The following RBFOX2 variants were observed in gnomAD, a reference collection of about 807,000 sequenced individuals.
The protein encoded by RBFOX2 is RNA binding protein fox-1 homolog 2.
RBFOX2 carries 10 observed loss-of-function variants against 49.1 expected under a neutral mutation model. The ratio of observed to expected loss-of-function variants is 0.20; its 90% CI spans 0.13 to 0.35. The LOEUF (loss-of-function observed/expected upper bound fraction) is 0.35. Ranked by LOEUF, RBFOX2 falls within the 10% of genes least tolerant of loss-of-function variation. RBFOX2 has a pLI of 1.00. For missense variants in RBFOX2, 323 were observed against 486.9 expected, an observed-to-expected ratio of 0.66 and a Z score of 3.17; for synonymous variants, 183 against 187.4, an observed-to-expected ratio of 0.98 and a Z score of 0.19.
At chr22:35,938,821 C>G (rs2053391950) in intron 1 of RBFOX2, 26 bp downstream of exon 2, 1 of 1,600,810 alleles carries the variant, frequency 6.2e-7, no homozygotes, top group Non-Finnish European at 8.6e-7. Context: ...CATACATCAT[C>G]TGAGTTACAA....
At chr22:35,924,680 T>C (rs1432260987) in intron 1 of RBFOX2, among the ~76,000 whole-genome samples, 1 of 152,258 alleles carries the variant, frequency 6.6e-6, no homozygotes, top group Non-Finnish European at 1.5e-5. Flanking sequence ...GAGTAGTCTC[T>C]GTATTTCAAC....
intron 5 of RBFOX2, among the ~76,000 whole-genome samples, chr22:35,766,201 G>A (rs1275666990): frequency 1.3e-5 from 2 of 152,160 alleles, no homozygotes; most frequent in Admixed American, 1.3e-4. Context: ...AGAGTAAGTA[G>A]GTGTTACAAA....
At chr22:35,998,119 C>G (rs1394786814) in intron 1 of RBFOX2, 1 of 152,104 alleles carries the variant, frequency 6.6e-6, no homozygotes, top group Non-Finnish European at 1.5e-5. Context: ...TTCTCCTTTC[C>G]AAGTGTACAG....
chr22:35,768,387 C>T lies in RBFOX2; in HGVS notation c.454-38G>A, dbSNP rs76591910. On this transcript the variant is annotated intron_variant, in intron 4 of 11. Coordinates refer to ENST00000405409, the Ensembl canonical transcript of RBFOX2. ...GGAGAAGGGGGGAAAACATGCACAT[C>T]GTTATATTGAAATACTGATCTCTTG... is the stretch of plus-strand genomic sequence containing the variant. 6,802 of 1,529,218 alleles carry T rather than the reference C, an allele frequency of 4.4e-3. 279 individuals are homozygous for T. The African/African-American group carries it at 0.082, about 18-fold the overall frequency. 94.7% of individuals were successfully genotyped at this position (1,529,218 alleles called of 1,614,324 possible). A position where few individuals can be genotyped will look rare whatever the true frequency, so the allele number is the denominator to read the frequency against.
chr22:35,844,353 C>T (rs2034459820), upstream of RBFOX2, among the ~76,000 whole-genome samples: 1 of 152,086 alleles, frequency 6.6e-6, no homozygotes, highest in African/African-American at 2.4e-5. Flanking sequence ...AACAATAATG[C>T]CTTGATTTCT....
intron 1 of RBFOX2, among the ~76,000 whole-genome samples, chr22:35,899,693 G>C (rs900901947): frequency 6.6e-6 from 1 of 151,954 alleles, no homozygotes; most frequent in African/African-American, 2.4e-5. Flanking sequence ...TTCACATTAA[G>C]AGACAAAAAG....
intron 1 of RBFOX2, among the ~76,000 whole-genome samples, chr22:35,894,668 T>C (rs1010852526): frequency 3.3e-5 from 5 of 152,032 alleles, no homozygotes; most frequent in African/African-American, 1.2e-4. Flanking sequence ...ACCGCTAGGT[T>C]TTAAAAACCT....
chr22:36,015,901 G>C (rs575611284), intron 1 of RBFOX2, among the ~76,000 whole-genome samples: 146 of 152,314 alleles, frequency 9.6e-4, no homozygotes, highest in African/African-American at 3.3e-3. Flanking sequence ...CTGTAAGTGT[G>C]ACTGTATAAA....
intron 2 of RBFOX2, among the ~76,000 whole-genome samples, chr22:35,788,274 T>A (rs1185372536): frequency 6.6e-6 from 1 of 152,244 alleles, no homozygotes; most frequent in African/African-American, 2.4e-5. Flanking sequence ...TTTCCAAGTC[T>A]ATCAGATTAA....
chr22:35,949,715 T>C (rs1195671713), intron 1 of RBFOX2, among the ~76,000 whole-genome samples: 3 of 152,254 alleles, frequency 2.0e-5, no homozygotes, highest in Admixed American at 1.3e-4. Flanking sequence ...ATACCTTCTT[T>C]GGAGAAATGT....
At chr22:35,962,770 T>C (rs1157992045), upstream of RBFOX2, among the ~76,000 whole-genome samples, 1 of 152,106 alleles carries the variant, frequency 6.6e-6, no homozygotes, top group Non-Finnish European at 1.5e-5. Context: ...TGACTAAATA[T>C]GGACCAGGGC....
intron 1 of RBFOX2, among the ~76,000 whole-genome samples, chr22:36,026,537 T>TACACACAC (rs1556557809): frequency 2.2e-5 from 3 of 135,476 alleles, no homozygotes; most frequent in African/African-American, 9.7e-5. Context: ...GATAAATGAA[T>TACACACAC]ACATACACAC....
At chr22:35,934,247 A>G (rs189775809) in intron 1 of RBFOX2, among the ~76,000 whole-genome samples, 161 of 152,088 alleles carry the variant, frequency 1.1e-3, no homozygotes, top group African/African-American at 3.7e-3. Flanking sequence ...TATTTCAATC[A>G]CATCTATATA....
chr22:35,814,284 A>C (rs1952519771), intron 1 of RBFOX2, among the ~76,000 whole-genome samples: 1 of 152,146 alleles, frequency 6.6e-6, no homozygotes, highest in African/African-American at 2.4e-5. Flanking sequence ...CTTTATATAA[A>C]ATGGCATAGT....
chr22:35,774,296 A>G (rs1268774836), intron 4 of RBFOX2, among the ~76,000 whole-genome samples: 1 of 152,122 alleles, frequency 6.6e-6, no homozygotes, highest in Non-Finnish European at 1.5e-5. Context: ...TATTTGTGTT[A>G]ATAATCTGTC....
chr22:35,879,327 C>T (rs937988134), intron 1 of RBFOX2, among the ~76,000 whole-genome samples: 3 of 152,120 alleles, frequency 2.0e-5, no homozygotes, highest in Non-Finnish European at 4.4e-5. Context: ...CACCGTAAAT[C>T]GTGTTCCAGA....
chr22:35,753,464 C>T (rs564528584), intron 9 of RBFOX2, among the ~76,000 whole-genome samples: 184 of 152,230 alleles, frequency 1.2e-3, no homozygotes, highest in African/African-American at 4.2e-3. Flanking sequence ...TAGTGACCAA[C>T]CTTTTTTTCT....
exon 12 of RBFOX2, chr22:35,739,688 C>G (rs1181214233): frequency 1.3e-5 from 2 of 152,542 alleles, no homozygotes; most frequent in Non-Finnish European, 1.5e-5. Flanking sequence ...AATTCAGAAA[C>G]TCATGTACCC....
At chr22:35,872,180 G>A (rs1168372988) in intron 1 of RBFOX2, among the ~76,000 whole-genome samples, 1 of 152,128 alleles carries the variant, frequency 6.6e-6, no homozygotes, top group Non-Finnish European at 1.5e-5. Flanking sequence ...ACTGTAAAAT[G>A]CTTGGTATTG....
Sources: allele counts gnomAD v4.1 joint callset (sites outside exome capture counted in the v4.1 genomes callset), GRCh38; gene constraint gnomAD v4.1.1; transcripts MANE v1.5; gene names NCBI Gene and HGNC (gene_info 2026-07-23, HGNC 2026-07-21).